PROCR: variants seen among roughly 807,000 people sequenced by gnomAD.
The protein encoded by PROCR is protein C receptor, also known as endothelial protein C receptor.
Under a neutral mutation model 24.2 loss-of-function variants are expected in PROCR, and 22 were observed. The ratio of observed to expected loss-of-function variants is 0.91; its 90% confidence interval spans 0.65 to 1.30. The LOEUF (loss-of-function observed/expected upper bound fraction) is 1.30, where lower values mean the gene tolerates loss of function less well. Among genes scored for constraint, PROCR ranks in the 50% most tolerant of loss-of-function variants. PROCR has a pLI of 0.00. For missense variants in PROCR, 288 were observed against 307.7 expected (o/e 0.94, Z 0.48); for synonymous variants, 137 against 139.2 (o/e 0.98, Z 0.11).
rs371977121 is a variant in PROCR, at chr20:35,174,756, T to G, written c.125T>G (p.Val42Gly). 6.2e-6 allele frequency: 10 copies of G among 1,613,944 alleles called. No homozygotes were observed. The highest frequency in any genetic ancestry group is 1.7e-5 in the Admixed American group (1 of 59,992). ...TCCTACTTCCGCGACCCCTATCACG[T>G]GTGGTACCAGGGCAACGCGTCGCTG... ...QISYFRDPYH[V>G]WYQGNASLGG... Residue 42 changes from valine (V) to glycine (G), a missense_variant, in exon 2 of 4, where the codon GTG (valine) becomes GGG (glycine). Transcript: ENST00000216968.
intron 1 of PROCR, among the ~76,000 whole-genome samples, chr20:35,210,815 C>A (rs142504386): frequency 2.6e-5 from 4 of 151,488 alleles, no homozygotes; most frequent in Admixed American, 2.6e-4. Context: ...AGGGTTCAAG[C>A]GATTCTCCTG....
At position 35,174,239 on chromosome 20, in the gene PROCR, G is replaced by A. The variant is rs555155050; in HGVS notation, c.71-463G>A. The stretch of plus-strand genomic sequence containing the variant: ...GAAAAGGACATGATCTCATCCCTGG[G>A]TCAGGTGGAGGTCGGAATAGAGAAC... On this transcript the variant is annotated intron_variant, in intron 1 of 3. Coordinates refer to ENST00000216968, the MANE Select transcript of PROCR (RefSeq NM_006404.5). 1.9e-5 allele frequency: 4 copies of A among 208,652 alleles called. No homozygotes were observed. The East Asian group carries it at 3.4e-4, about 18-fold the overall frequency. 12.9% of individuals were successfully genotyped at this position (208,652 alleles called of 1,614,324 possible).
In PROCR at chr20:35,184,448, T is replaced by A. The variant is rs1329023762; in HGVS notation, c.94+8002T>A. 5.9e-5 allele frequency among the ~76,000 whole-genome samples: 9 copies of A among 152,170 alleles called. No homozygotes were observed. In the East Asian group the frequency reaches 1.7e-3, roughly 29 times the overall value. On this transcript the variant is annotated intron_variant, in intron 1 of 1. Transcript: ENST00000634509. ...TGGGCGTGGTGGCTCACGCCTGTAA[T>A]CCTAGCACTTTGGGAGGCCGAGGCG...
intron 1 of PROCR, chr20:35,174,476 T>C (rs2085985117): frequency 1.7e-6 from 1 of 604,954 alleles, no homozygotes; most frequent in East Asian, 2.8e-5. Flanking sequence ...TCTCTTCCAC[T>C]GCAGGCCTCA....
chr20:35,172,601 G>T (rs1286297937), intron 1 of PROCR, among the ~76,000 whole-genome samples: 3 of 152,074 alleles, frequency 2.0e-5, no homozygotes, highest in Admixed American at 2.0e-4. Context: ...AAGAGAAATG[G>T]AGGGAATGGG....
intron 1 of PROCR, among the ~76,000 whole-genome samples, chr20:35,188,566 A>C (rs1348026845): frequency 1.3e-5 from 2 of 152,224 alleles, no homozygotes; most frequent in Non-Finnish European, 2.9e-5. Flanking sequence ...ATGTGTTTTG[A>C]ATCAATGAAT....
chr20:35,178,507 G>GTTTTTTTTTTTTTTT (rs1203789471), downstream of PROCR, among the ~76,000 whole-genome samples: 7 of 34,368 alleles, frequency 2.0e-4, no homozygotes, highest in African/African-American at 7.3e-4. Context: ...TCAAGTCTCA[G>GTTTTTTTTTTTTTTT]TTTTTTTTTT....
At position 35,176,955 on chromosome 20, in the gene PROCR, C is replaced by G. The variant is rs146262354; in HGVS notation, c.*142C>G. 1.2e-4 allele frequency: 186 copies of G among 1,512,944 alleles called. No individual in the cohort carries two copies. In the African/African-American group the frequency reaches 2.4e-3, roughly 20 times the overall value. 93.7% of individuals were successfully genotyped at this position (1,512,944 alleles called of 1,614,324 possible). ...TCCTTTCTTCTCCCACATCTGCCCA[C>G]TGAAGATTTGAGGGAGGGGAGATGG... is the stretch of plus-strand genomic sequence containing the variant. On this transcript the variant is annotated 3_prime_UTR_variant, in exon 4 of 4. Transcript: ENST00000216968.
chr20:35,205,567 C>T (rs1014447333), intron 1 of PROCR, among the ~76,000 whole-genome samples: 4 of 149,456 alleles, frequency 2.7e-5, no homozygotes, highest in South Asian at 2.1e-4. Context: ...GCCTTACCAA[C>T]GTGGAGAAAC....
chr20:35,199,170 A>G (rs564389727), intron 1 of PROCR, among the ~76,000 whole-genome samples: 2 of 152,238 alleles, frequency 1.3e-5, no homozygotes, highest in Non-Finnish European at 2.9e-5. Context: ...GCCATTAAGA[A>G]TGATGTGAAT....
At chr20:35,171,639 G>A (rs1231174609), upstream of PROCR, among the ~76,000 whole-genome samples, 2 of 152,078 alleles carry the variant, frequency 1.3e-5, no homozygotes, top group Admixed American at 6.6e-5. Flanking sequence ...CCATTATACT[G>A]GAAAACTAAA....
At chr20:35,174,569 G>A (rs1327436292) in intron 1 of PROCR, 133 bp from the exon 2 acceptor site, 4 of 1,089,932 alleles carry the variant, frequency 3.7e-6, no homozygotes, top group Middle Eastern at 4.3e-4. Context: ...CGGGAGAAGC[G>A]GTGGGAGGGC....
intron 2 of PROCR, among the ~76,000 whole-genome samples, chr20:35,175,429 A>G (rs79101940): frequency 0.013 from 1,902 of 147,940 alleles, 57 homozygotes; most frequent in African/African-American, 0.045. Context: ...TCTTCTCTCA[A>G]AGCCCCACTC....
chr20:35,203,802 A>T (rs1360867371), intron 1 of PROCR, among the ~76,000 whole-genome samples: 1 of 152,052 alleles, frequency 6.6e-6, no homozygotes, highest in Non-Finnish European at 1.5e-5. Flanking sequence ...CGTGTACAGG[A>T]ACATTTATAG....
chr20:35,204,724 G>A (rs2060331716), intron 1 of PROCR, among the ~76,000 whole-genome samples: 1 of 151,758 alleles, frequency 6.6e-6, no homozygotes, highest in South Asian at 2.1e-4. Flanking sequence ...GAAAGAAATA[G>A]TATCAATTCC....
intron 1 of PROCR, among the ~76,000 whole-genome samples, chr20:35,193,295 C>CAT (rs1340616373): frequency 1.3e-5 from 2 of 152,114 alleles, no homozygotes; most frequent in Non-Finnish European, 2.9e-5. Context: ...CCTGCCACAG[C>CAT]CCCCCGAGTA....
At position 35,172,104 on chromosome 20, in the gene PROCR, G is replaced by C. The variant is rs2085956381; in HGVS notation, c.-51G>C. On this transcript the variant is annotated 5_prime_UTR_variant, in exon 1 of 4. Coordinates refer to ENST00000216968, the MANE Select transcript of PROCR (RefSeq NM_006404.5). ...TTTTCCCTAGACTGCAGCCAGCGGA[G>C]CCCGCAGCCGGCCCGAGCCAGGAAC... The C allele has an allele frequency of 6.3e-7, 1 of 1,581,864 alleles. No homozygotes were observed. The highest frequency in any genetic ancestry group is 8.7e-7 in the Non-Finnish European group (1 of 1,150,918).
chr20:35,178,506 A>AGTTTTGTTTTTTT (rs758633297), downstream of PROCR, among the ~76,000 whole-genome samples: 31 of 41,538 alleles, frequency 7.5e-4, 1 homozygote, highest in African/African-American at 5.9e-3. Flanking sequence ...TTCAAGTCTC[A>AGTTTTGTTTTTTT]GTTTTTTTTT....
chr20:35,200,258 G>T (rs532276798), intron 1 of PROCR, among the ~76,000 whole-genome samples: 1 of 152,234 alleles, frequency 6.6e-6, no homozygotes, highest in African/African-American at 2.4e-5. Context: ...AATTTTGAAA[G>T]AAGTTCTACT....
Sources: allele counts gnomAD v4.1 joint callset (sites outside exome capture counted in the v4.1 genomes callset), GRCh38; gene constraint gnomAD v4.1.1; transcripts MANE v1.5; gene names NCBI Gene and HGNC (gene_info 2026-07-23, HGNC 2026-07-21).